Variants in ZFHX3 observed in about 807,000 individuals in gnomAD.
ZFHX3 encodes zinc finger homeobox 3.
A neutral mutation model predicts 279.1 loss-of-function variants in ZFHX3; 42 were observed. The observed-to-expected ratio is 0.15, with a 90% CI of 0.12 to 0.19. ZFHX3 has a LOEUF of 0.19. ZFHX3 is among the 10% of genes least tolerant of loss of function. The pLI is 1.00. For missense variants in ZFHX3, 4,981 were observed against 4,754.0 expected, an observed-to-expected ratio of 1.05 and a Z score of -1.40; for synonymous variants, 2,293 against 1,957.8, an observed-to-expected ratio of 1.17 and a Z score of -4.52.
chr16:73,564,893 A>G (rs2020428044), intron 2 of ZFHX3, among the ~76,000 whole-genome samples: 1 of 152,198 alleles, frequency 6.6e-6, no homozygotes, highest in Non-Finnish European at 1.5e-5. Flanking sequence ...TTCTCTTAGG[A>G]AAAAAGCAAA....
intron 3 of ZFHX3, among the ~76,000 whole-genome samples, chr16:72,891,760 C>T (rs1157188013): frequency 6.6e-6 from 1 of 152,086 alleles, no homozygotes; most frequent in African/African-American, 2.4e-5. Context: ...ATTACGTGTC[C>T]TTCCTTTTTT....
chr16:73,065,608 CGT>C (rs1451080925), intron 8 of ZFHX3, among the ~76,000 whole-genome samples: 6 of 98,816 alleles, frequency 6.1e-5, no homozygotes, highest in East Asian at 3.1e-4. Flanking sequence ...TGTGTGTGTG[CGT>C]GTGTGTGTCT....
In ZFHX3 at chr16:72,936,517, G is replaced by A. The variant is rs994836824; in HGVS notation, c.3216+13952C>T. Among the ~76,000 whole-genome samples, 5 of 152,318 alleles carry A rather than the reference G, an allele frequency of 3.3e-5. No individual in the cohort carries two copies. The South Asian group carries it at 1.0e-3, about 32-fold the overall frequency. ...GGTTGTCAGGGAAAGCCTCTTTGAC[G>A]ACCAGATATTGAATGAGAGCTGAAT... On this transcript the variant is annotated intron_variant, in intron 3 of 9. Coordinates refer to ENST00000268489, the MANE Select transcript of ZFHX3 (RefSeq NM_006885.4).
upstream of ZFHX3, among the ~76,000 whole-genome samples, chr16:73,050,680 G>C (rs1249171419): frequency 6.6e-6 from 1 of 152,146 alleles, no homozygotes; most frequent in Non-Finnish European, 1.5e-5. Flanking sequence ...TCTTCGGAGG[G>C]CAGCTGCCTG....
At chr16:73,718,629 T>A (rs1340507582) in intron 1 of ZFHX3, among the ~76,000 whole-genome samples, 2 of 151,224 alleles carry the variant, frequency 1.3e-5, no homozygotes, top group Non-Finnish European at 2.9e-5. Context: ...TTTATTTATT[T>A]TTTTAAGACA....
intron 2 of ZFHX3, among the ~76,000 whole-genome samples, chr16:73,508,370 A>AGAG (rs1210981347): frequency 7.9e-5 from 12 of 152,112 alleles, no homozygotes. Context: ...AGGAGGAGGA[A>AGAG]GAGGAGGAGG....
intron 4 of ZFHX3, among the ~76,000 whole-genome samples, chr16:73,302,174 C>T (rs1257805738): frequency 1.3e-5 from 2 of 152,172 alleles, no homozygotes; most frequent in African/African-American, 4.8e-5. Flanking sequence ...TCTTTTCCCC[C>T]TTTCTATGCC....
At chr16:72,898,417 C>T (rs73590767) in intron 3 of ZFHX3, among the ~76,000 whole-genome samples, 1,965 of 152,300 alleles carry the variant, frequency 0.013, 40 homozygotes, top group African/African-American at 0.041. Flanking sequence ...GGAGACTTCC[C>T]GTTCCTCTAT....
chr16:73,569,865 C>A (rs534690214), intron 2 of ZFHX3, among the ~76,000 whole-genome samples: 12 of 152,142 alleles, frequency 7.9e-5, no homozygotes, highest in African/African-American at 2.2e-4. Flanking sequence ...TCTTAATCTG[C>A]ATATTTGGAA....
intron 2 of ZFHX3, among the ~76,000 whole-genome samples, chr16:73,457,687 A>C (rs1033180467): frequency 6.6e-6 from 1 of 152,230 alleles, no homozygotes; most frequent in East Asian, 1.9e-4. Flanking sequence ...AGGCATGAGA[A>C]TCGCTTGAGC....
At chr16:73,086,161 C>T (rs182600460) in intron 8 of ZFHX3, among the ~76,000 whole-genome samples, 8 of 152,164 alleles carry the variant, frequency 5.3e-5, no homozygotes, top group South Asian at 2.1e-4. Context: ...AAAACCACAA[C>T]GAGATATCTT....
Position 72,796,544 on chromosome 16 carries a change from G to GGGTGGA in ZFHX3, c.6132_6137dup (p.Pro2049_Pro2050dup). On this transcript the variant is annotated inframe_insertion, in exon 9 of 10. Coordinates refer to ENST00000268489, the MANE Select transcript of ZFHX3 (RefSeq NM_006885.4). ...GCGCTGCCGGAAGTGGGGGTGGAGG[G>GGGTGGA]GGTGGAGGGGGAGGTGGTGGTGGCT... The GGGTGGA allele has an allele frequency of 5.0e-6, 8 of 1,610,072 alleles. No homozygotes were observed. Among genetic ancestry groups the GGGTGGA allele is most frequent in the Non-Finnish European group, 6.8e-6 (8 of 1,179,432 alleles).
intron 2 of ZFHX3, among the ~76,000 whole-genome samples, chr16:73,468,805 G>T (rs1033940943): frequency 6.6e-6 from 1 of 152,194 alleles, no homozygotes; most frequent in Non-Finnish European, 1.5e-5. Flanking sequence ...AGTCAGGAGA[G>T]TGTCTCCCTA....
intron 7 of ZFHX3, among the ~76,000 whole-genome samples, chr16:73,115,488 T>C (rs1406673260): frequency 6.6e-6 from 1 of 151,860 alleles, no homozygotes; most frequent in Non-Finnish European, 1.5e-5. Context: ...AGGTCGAGGC[T>C]GCAGTGAACC....
intron 3 of ZFHX3, among the ~76,000 whole-genome samples, chr16:73,335,159 AG>A (rs2015887993): frequency 6.6e-6 from 1 of 152,230 alleles, no homozygotes; most frequent in Admixed American, 6.5e-5. Context: ...TAGTACGAAA[AG>A]GGTGCCAAAC....
chr16:73,500,676 AAG>A (rs1555520894), intron 2 of ZFHX3, among the ~76,000 whole-genome samples: 4 of 139,622 alleles, frequency 2.9e-5, no homozygotes, highest in Admixed American at 7.8e-5. Context: ...AAAAAAAAAA[AAG>A]AGTTTTAAAA....
At chr16:73,577,189 T>G (rs2051808856) in intron 2 of ZFHX3, among the ~76,000 whole-genome samples, 1 of 151,856 alleles carries the variant, frequency 6.6e-6, no homozygotes, top group Admixed American at 6.5e-5. Context: ...AGATGTCTTC[T>G]TAATGATAAA....
In ZFHX3 at chr16:72,959,978, G is replaced by T; in HGVS notation, c.168C>A (p.Pro56=). 6.2e-7 allele frequency: 1 copy of T among 1,611,884 alleles called. No homozygotes were observed. The highest frequency in any genetic ancestry group is 2.2e-5 in the East Asian group (1 of 44,828). The change falls in exon 2 of 10, where the codon CCC becomes CCA. Residue 56 remains proline (P), a synonymous_variant. Coordinates refer to ENST00000268489, the MANE Select transcript of ZFHX3 (RefSeq NM_006885.4). Reference sequence around the variant, plus strand: ...TGCTCTCCGCGAGGCGCTCATTGAAGGGGGCCCTCAGGCTGTCCAAGGGCC... The same window carrying T: ...TGCTCTCCGCGAGGCGCTCATTGAATGGGGCCCTCAGGCTGTCCAAGGGCC... ...SHGPLDSLRA[P]FNERLAESTA... is the part of the protein sequence containing the mutation.
At chr16:73,689,810 G>GTTT (rs1567552757) in intron 1 of ZFHX3, among the ~76,000 whole-genome samples, 1 of 149,690 alleles carries the variant, frequency 6.7e-6, no homozygotes. Context: ...ACAGTTTTTT[G>GTTT]TTTTTTGTTT....
Sources: gnomAD v4.1 joint callset for allele counts (sites outside exome capture counted in the v4.1 genomes callset) on GRCh38, gnomAD v4.1.1 for gene constraint, MANE v1.5 for transcripts, NCBI Gene and HGNC (gene_info 2026-07-23, HGNC 2026-07-21) for gene names.